TMEM44: variants seen among roughly 807,000 people sequenced by gnomAD.
TMEM44 encodes transmembrane protein 44.
Under a neutral mutation model 47.8 loss-of-function variants are expected in TMEM44, and 43 were observed. That is an observed-to-expected ratio of 0.90 (90% confidence interval 0.70 to 1.16). The LOEUF is 1.16. Among genes scored for constraint, TMEM44 ranks in the 50% most tolerant of loss-of-function variants. TMEM44 has a pLI of 0.00. For missense variants in TMEM44, 568 were observed against 555.2 expected, an observed-to-expected ratio of 1.02 and a Z score of -0.23; for synonymous variants, 277 against 238.8, an observed-to-expected ratio of 1.16 and a Z score of -1.48.
rs113514866 is a variant in TMEM44, at chr3:194,615,559, C to T, written c.912+10G>A. The stretch of plus-strand genomic sequence containing the variant: ...TTTCCAGCCAGAGAGACCTTGTCCT[C>T]GTTCCTCACCTCCTGGTTTTCTTCC... On this transcript the variant is annotated intron_variant, in intron 7 of 9. Coordinates refer to ENST00000347147, the MANE Select transcript of TMEM44 (RefSeq NM_001011655.3). 1.9e-5 allele frequency: 31 copies of T among 1,613,204 alleles called. No homozygotes were observed. The South Asian group carries it at 2.1e-4, about 11-fold the overall frequency.
rs1451338950 is a variant in TMEM44 at position 194,588,587 on chromosome 3, A to C, written c.1229T>G (p.Leu410Arg). 6.2e-7 allele frequency: 1 copy of C among 1,614,204 alleles called. No homozygotes were observed. Among genetic ancestry groups the C allele is most frequent in the South Asian group, 1.1e-5 (1 of 91,086 alleles). ...LEGSKENVEL[L>R]GSQVHQDSVR... ...AGAGTCCTGGTGCACCTGGGATCCCAGTAGCTCCACATTTTCTTTGCTGCC... is the reference window on the plus strand; with the variant it reads ...AGAGTCCTGGTGCACCTGGGATCCCCGTAGCTCCACATTTTCTTTGCTGCC... Residue 410 changes from leucine (L) to arginine (R), a missense_variant, in exon 10 of 10, where the codon CTG becomes CGG. Leu to Arg is a moderately radical substitution (Grantham distance 102). Transcript: ENST00000347147.
chr3:194,601,596 C>T (rs1260336133), intron 9 of TMEM44, among the ~76,000 whole-genome samples: 3 of 152,180 alleles, frequency 2.0e-5, no homozygotes, highest in Admixed American at 6.5e-5. Context: ...AGCCACCCCG[C>T]CTGGCCATGC....
At chr3:194,623,388 A>G in intron 4 of TMEM44, 78 bp from the exon 5 acceptor site, 2 of 1,521,270 alleles carry the variant, frequency 1.3e-6, no homozygotes, top group Admixed American at 4.3e-5. Context: ...GCCAAAGCTC[A>G]GGAGTCCTTT....
Position 194,604,559 on chromosome 3 carries a change from C to T in TMEM44, c.1018-114G>A, listed in dbSNP as rs113321868. Reference sequence around the variant, plus strand: ...AAAATGTACAAAAGGGTGTGCAGGGCAGCATCTACCTGTGCTCTCCTGCCC... The same window carrying T: ...AAAATGTACAAAAGGGTGTGCAGGGTAGCATCTACCTGTGCTCTCCTGCCC... On this transcript the variant is annotated intron_variant, in intron 8 of 9. Coordinates refer to ENST00000347147, the MANE Select transcript of TMEM44 (RefSeq NM_001011655.3). The T allele has an allele frequency of 8.3e-6, 11 of 1,329,180 alleles. No individual in the cohort carries two copies. The African/African-American group carries it at 1.0e-4, about 13-fold the overall frequency. The allele number at this position is 1,329,180 out of a possible 1,614,324, so 82.3% of individuals were successfully genotyped here.
At chr3:194,612,929 G>A (rs1715479144) in intron 7 of TMEM44, among the ~76,000 whole-genome samples, 1 of 152,190 alleles carries the variant, frequency 6.6e-6, no homozygotes, top group Non-Finnish European at 1.5e-5. Context: ...TGGGACTACA[G>A]GCCTGAACCA....
At chr3:194,590,813 A>G (rs533654413) in intron 9 of TMEM44, among the ~76,000 whole-genome samples, 94 of 152,200 alleles carry the variant, frequency 6.2e-4, no homozygotes, top group African/African-American at 2.1e-3. Context: ...AGCTTCTTAA[A>G]TGGCTGCTGA....
intron 2 of TMEM44, among the ~76,000 whole-genome samples, chr3:194,627,513 C>G (rs1464692427): frequency 6.6e-6 from 1 of 152,198 alleles, no homozygotes; most frequent in Non-Finnish European, 1.5e-5. Context: ...ACACCACTAC[C>G]TGGGAAAGGA....
chr3:194,607,258 G>T (rs1302354697), intron 8 of TMEM44, among the ~76,000 whole-genome samples: 2 of 152,042 alleles, frequency 1.3e-5, no homozygotes, highest in African/African-American at 4.8e-5. Context: ...ATGAGTGGAG[G>T]CAGCCTGAGG....
At chr3:194,628,207 T>A (rs561778975) in intron 2 of TMEM44, among the ~76,000 whole-genome samples, 176 bp downstream of exon 2, 18 of 152,294 alleles carry the variant, frequency 1.2e-4, no homozygotes, top group African/African-American at 4.3e-4. Flanking sequence ...AAGTGGATAT[T>A]GGGAACAAGA....
rs951130970 is a variant in TMEM44, at chr3:194,587,962, C to T, written c.*567G>A. ...GCTTTGTTTTTGCAGTGTCAGTGATCTCACAAGCACTTGGTTGGCCACACA... is the reference window on the plus strand; with the variant it reads ...GCTTTGTTTTTGCAGTGTCAGTGATTTCACAAGCACTTGGTTGGCCACACA... On this transcript the variant is annotated 3_prime_UTR_variant, in exon 10 of 10. Transcript: ENST00000347147. 4.6e-5 allele frequency: 7 copies of T among 152,546 alleles called. No homozygotes were observed. Among genetic ancestry groups the T allele is most frequent in the African/African-American group, 1.7e-4 (7 of 41,462 alleles). 9.4% of individuals were successfully genotyped at this position (152,546 alleles called of 1,614,324 possible). A position where few individuals can be genotyped will look rare whatever the true frequency, so the allele number is the denominator to read the frequency against.
In TMEM44 at chr3:194,626,003, G is replaced by A. The variant is rs115563565; in HGVS notation, c.265-13C>T. The A allele has an allele frequency of 7.0e-4, 1,113 of 1,595,012 alleles. 9 individuals carry two copies. In the African/African-American group the frequency reaches 0.013, roughly 19 times the overall value. Reference sequence around the variant, plus strand: ...CACCAGTGAAAACCTGGGAGCAAACGGGAAGAGAGTCTTGGCATTCAAGCA... The same window carrying A: ...CACCAGTGAAAACCTGGGAGCAAACAGGAAGAGAGTCTTGGCATTCAAGCA... On this transcript the variant is annotated splice_polypyrimidine_tract_variant and intron_variant, in intron 2 of 9. Transcript: ENST00000347147.
intron 5 of TMEM44, chr3:194,617,859 G>C: frequency 1.5e-6 from 1 of 646,540 alleles, no homozygotes; most frequent in Non-Finnish European, 2.8e-6. Flanking sequence ...TCACGACAGT[G>C]AGTGAGTTCT....
chr3:194,615,684 G>A lies in TMEM44; in HGVS notation c.797C>T (p.Ser266Leu), dbSNP rs775906120. 8.1e-6 allele frequency: 13 copies of A among 1,613,728 alleles called. No individual in the cohort carries two copies. Among genetic ancestry groups the A allele is most frequent in the Admixed American group, 1.7e-5 (1 of 59,960 alleles). Residue 266 changes from serine to leucine, a missense_variant, in exon 7 of 10, where the codon TCG becomes TTG. By Grantham distance (145) the Ser-to-Leu change is moderately radical. Transcript: ENST00000347147. Reference protein sequence around the residue: ...AALDLAIIFLSCVMKSKMRQA... With the variant: ...AALDLAIIFLLCVMKSKMRQA... ...TCTCATCTTGCTCTTCATCACACAC[G>A]AAAGGAAAATAATCTGAGATGGTGT... is the stretch of plus-strand genomic sequence containing the variant.
intron 7 of TMEM44, 106 bp downstream of exon 7, chr3:194,615,463 G>A (rs1056466685): frequency 2.2e-5 from 32 of 1,458,082 alleles, no homozygotes; most frequent in African/African-American, 1.4e-4. Context: ...GAGAACACTC[G>A]GCAGGCAGCT....
At chr3:194,598,600 C>T (rs9854693) in intron 9 of TMEM44, among the ~76,000 whole-genome samples, 64,717 of 151,900 alleles carry the variant, frequency 0.43, 14,637 homozygotes, top group East Asian at 0.77. Context: ...CGATAGCCCA[C>T]ACCATGCCTA....
At chr3:194,617,006 G>A in intron 6 of TMEM44, 93 bp downstream of exon 6, 1 of 1,359,436 alleles carries the variant, frequency 7.4e-7, no homozygotes, top group Non-Finnish European at 9.7e-7. Context: ...CATCTAGCAA[G>A]AGAAAAGAAG....
rs999665765 is a variant in TMEM44 at position 194,631,860 on chromosome 3, T to C, written c.137+1219A>G. Among the ~76,000 whole-genome samples, 63 of 152,260 alleles carry C rather than the reference T, an allele frequency of 4.1e-4. 1 individual carries two copies. The highest frequency in any genetic ancestry group is 1.3e-3 in the African/African-American group (55 of 41,536). Reference sequence around the variant, plus strand: ...GCAAGGCCCTGAAAACAAATGGGTATGTCCAGATCCCAGGCAGGGTGAGAA... The same window carrying C: ...GCAAGGCCCTGAAAACAAATGGGTACGTCCAGATCCCAGGCAGGGTGAGAA... On this transcript the variant is annotated intron_variant, in intron 1 of 9. Transcript: ENST00000347147.
rs142002480 is a variant in TMEM44, at chr3:194,588,066, C to G, written c.*463G>C. 6.4e-6 allele frequency: 1 copy of G among 155,180 alleles called. No homozygotes were observed. Among genetic ancestry groups the G allele is most frequent in the Non-Finnish European group, 1.4e-5 (1 of 69,920 alleles). The allele number at this position is 155,180 out of a possible 1,614,324, so 9.6% of individuals were successfully genotyped here. On this transcript the variant is annotated 3_prime_UTR_variant, in exon 10 of 10. Transcript: ENST00000347147. ...GCCAGGTCTCGGTTCCTGTGTGTGA[C>G]CCAAGGCCCCCCAGCACAGGGCCCA...
At chr3:194,616,745 A>G (rs1425551190) in intron 6 of TMEM44, 4 of 394,394 alleles carry the variant, frequency 1.0e-5, no homozygotes, top group Non-Finnish European at 2.0e-5. Flanking sequence ...AATAACAAAA[A>G]TTAGCCAGAC....
Sources: allele counts gnomAD v4.1 joint callset (sites outside exome capture counted in the v4.1 genomes callset), GRCh38; gene constraint gnomAD v4.1.1; transcripts MANE v1.5; gene names NCBI Gene and HGNC (gene_info 2026-07-23, HGNC 2026-07-21).